The following ZBTB16 variants were observed in gnomAD, a reference collection of about 807,000 sequenced individuals.
ZBTB16 encodes the protein zinc finger and BTB domain containing 16, also known as zinc finger and BTB domain-containing protein 16.
ZBTB16 carries 8 observed loss-of-function variants against 56.8 expected under a neutral mutation model. The ratio of observed to expected loss-of-function variants is 0.14; its 90% CI spans 0.08 to 0.25. The LOEUF (loss-of-function observed/expected upper bound fraction) is 0.25. ZBTB16 is among the 10% of genes least tolerant of loss of function. The pLI is 1.00. For missense variants in ZBTB16, 625 were observed against 903.0 expected (o/e 0.69, Z 3.95); for synonymous variants, 363 against 368.5 (o/e 0.98, Z 0.17).
intron 4 of ZBTB16, among the ~76,000 whole-genome samples, chr11:114,218,470 C>T (rs559648852): frequency 2.1e-4 from 32 of 152,298 alleles, no homozygotes; most frequent in African/African-American, 7.7e-4. Flanking sequence ...GATGGGTGGC[C>T]GCTCTCCCTC....
At chr11:114,220,032 C>G (rs1050942678) in intron 4 of ZBTB16, among the ~76,000 whole-genome samples, 3 of 152,228 alleles carry the variant, frequency 2.0e-5, no homozygotes, top group African/African-American at 7.2e-5. Context: ...ACGAACTTCT[C>G]CAGCCTAGAG....
intron 4 of ZBTB16, among the ~76,000 whole-genome samples, chr11:114,218,174 G>A (rs1207215262): frequency 1.3e-5 from 2 of 152,224 alleles, no homozygotes; most frequent in Non-Finnish European, 2.9e-5. Flanking sequence ...CTCAGAGAAG[G>A]ACCTGCTGTG....
At chr11:114,101,170 A>T (rs1342914379) in intron 2 of ZBTB16, among the ~76,000 whole-genome samples, 2 of 151,962 alleles carry the variant, frequency 1.3e-5, no homozygotes, top group African/African-American at 4.8e-5. Flanking sequence ...ACAGCCTGCT[A>T]ATTTTTAAGT....
chr11:114,147,790 G>A (rs942965367), intron 2 of ZBTB16, among the ~76,000 whole-genome samples: 1 of 152,134 alleles, frequency 6.6e-6, no homozygotes, highest in African/African-American at 2.4e-5. Flanking sequence ...CCAGGTTTTT[G>A]TGCAGTTTTG....
chr11:114,193,613 A>G (rs769838987), intron 4 of ZBTB16, among the ~76,000 whole-genome samples: 5 of 152,176 alleles, frequency 3.3e-5, no homozygotes, highest in East Asian at 1.9e-4. Flanking sequence ...TCTGAAATCT[A>G]TTTGCCCTCT....
chr11:114,241,854 C>T (rs1944710434), intron 4 of ZBTB16, among the ~76,000 whole-genome samples: 1 of 152,210 alleles, frequency 6.6e-6, no homozygotes, highest in Non-Finnish European at 1.5e-5. Flanking sequence ...CTGGTATATG[C>T]TGTCTTAGTA....
At chr11:114,126,975 G>A (rs1368210184) in intron 2 of ZBTB16, among the ~76,000 whole-genome samples, 4 of 152,192 alleles carry the variant, frequency 2.6e-5, no homozygotes, top group Non-Finnish European at 5.9e-5. Context: ...TAAGCATCTT[G>A]AAGGCCAGGA....
Position 114,060,465 on chromosome 11 carries a change from C to T in ZBTB16, c.-91+583C>T, listed in dbSNP as rs531255732. On this transcript the variant is annotated intron_variant, in intron 1 of 6. Transcript: ENST00000335953. This position sits in a 1 kb window ranked among gnomAD's most constrained non-coding sequence, Gnocchi z 6.0. ...TTTCTTGATTGGACTTGATCCCCACCCCCCTTTTGCAGGGGAGGGAGGGAA... is the reference window on the plus strand; with the variant it reads ...TTTCTTGATTGGACTTGATCCCCACTCCCCTTTTGCAGGGGAGGGAGGGAA... The T allele has an allele frequency of 1.1e-4, 17 of 152,222 alleles. No homozygotes were observed. Among genetic ancestry groups the T allele is most frequent in the African/African-American group, 3.4e-4 (14 of 41,538 alleles). 9.4% of individuals were successfully genotyped at this position (152,222 alleles called of 1,614,324 possible). A position where few individuals can be genotyped will look rare whatever the true frequency, so the allele number is the denominator to read the frequency against.
chr11:114,101,345 A>G (rs1377485178), intron 2 of ZBTB16, among the ~76,000 whole-genome samples: 1 of 152,088 alleles, frequency 6.6e-6, no homozygotes, highest in Admixed American at 6.6e-5. Flanking sequence ...TGTTTTATGG[A>G]TCATTACCTA....
At position 114,256,125 on chromosome 11, in the gene ZBTB16, A is replaced by G. The variant is rs1310592418; in HGVS notation, c.*5570A>G. On this transcript the variant is annotated 3_prime_UTR_variant, in exon 7 of 7. Coordinates refer to ENST00000335953, the MANE Select transcript of ZBTB16 (RefSeq NM_006006.6). ...GGAAAAAGAAAGCTCTGTATTACAC[A>G]TATTTAGACTTATCTATGTGTCACT... 3.3e-5 allele frequency among the ~76,000 whole-genome samples: 5 copies of G among 151,892 alleles called. No individual in the cohort carries two copies. Among genetic ancestry groups the G allele is most frequent in the African/African-American group, 1.2e-4 (5 of 41,342 alleles).
chr11:114,164,425 G>A (rs1409710763), intron 3 of ZBTB16, among the ~76,000 whole-genome samples: 1 of 152,174 alleles, frequency 6.6e-6, no homozygotes, highest in Admixed American at 6.5e-5. Flanking sequence ...ACATCTGTCT[G>A]TCTGCCATTT....
chr11:114,222,972 T>G (rs1381498731), intron 4 of ZBTB16, among the ~76,000 whole-genome samples: 1 of 152,156 alleles, frequency 6.6e-6, no homozygotes. Flanking sequence ...GCTGAGAGCC[T>G]GCCCTGGTCT....
chr11:114,071,762 T>C (rs891206422), intron 2 of ZBTB16, among the ~76,000 whole-genome samples: 1 of 152,186 alleles, frequency 6.6e-6, no homozygotes, highest in Non-Finnish European at 1.5e-5. Flanking sequence ...TGGCTGGGTG[T>C]GTGGGGTGAA....
intron 4 of ZBTB16, among the ~76,000 whole-genome samples, chr11:114,211,525 A>G (rs1943998023): frequency 6.6e-6 from 1 of 152,172 alleles, no homozygotes; most frequent in African/African-American, 2.4e-5. Context: ...CTAAGTGTTG[A>G]GCCAGTGCTA....
At position 114,167,232 on chromosome 11, in the gene ZBTB16, G is replaced by GTTTTTTTTTTTTTTTTTT. The variant is rs58946694; in HGVS notation, c.1366+10802_1366+10819dup. Among the ~76,000 whole-genome samples the GTTTTTTTTTTTTTTTTTT allele has an allele frequency of 3.0e-3, 263 of 88,690 alleles. 18 individuals carry two copies. The highest frequency in any genetic ancestry group is 3.7e-3 in the African/African-American group (61 of 16,620). The allele number at this position is 88,690 out of a possible 152,430, so 58.2% of individuals were successfully genotyped here. A position where few individuals can be genotyped will look rare whatever the true frequency, so the allele number is the denominator to read the frequency against. The stretch of plus-strand genomic sequence containing the variant: ...GGATTTGTGGTTTTTTTTTTTTTTG[G>GTTTTTTTTTTTTTTTTTT]TTTTTTTTTTTTTTTTTTTTTGACA... On this transcript the variant is annotated intron_variant, in intron 3 of 6. Transcript: ENST00000335953.
intron 4 of ZBTB16, among the ~76,000 whole-genome samples, chr11:114,206,803 C>G (rs545736539): frequency 3.9e-5 from 6 of 152,274 alleles, no homozygotes; most frequent in African/African-American, 1.4e-4. Context: ...TTTAGGTTCC[C>G]CATCCCTTTG....
intron 2 of ZBTB16, among the ~76,000 whole-genome samples, chr11:114,075,517 C>T (rs780152100): frequency 7.9e-5 from 12 of 151,506 alleles, no homozygotes; most frequent in Non-Finnish European, 1.0e-4. Flanking sequence ...AGTGCAGTGG[C>T]GCGATCTCAG....
chr11:114,102,698 G>A (rs1334906938), intron 2 of ZBTB16, among the ~76,000 whole-genome samples: 2 of 152,182 alleles, frequency 1.3e-5, no homozygotes, highest in African/African-American at 4.8e-5. Flanking sequence ...TAATCCTGAG[G>A]TGTGGTTTAA....
rs764548670 is a variant in ZBTB16 at position 114,250,563 on chromosome 11, C to T, written c.*8C>T. 6.2e-7 allele frequency: 1 copy of T among 1,613,794 alleles called. No individual in the cohort carries two copies. The highest frequency in any genetic ancestry group is 1.1e-5 in the South Asian group (1 of 91,076). On this transcript the variant is annotated 3_prime_UTR_variant, in exon 7 of 7. Transcript: ENST00000335953. The surrounding 1 kb of genome is among the most constrained non-coding windows in gnomAD (Gnocchi z 6.0). ...TACCTGTGCTATGTGTGAAGGGAGG[C>T]CCGCGGCGGTGGAGCCGAGCGGGGA...
Sources: allele counts gnomAD v4.1 joint callset (sites outside exome capture counted in the v4.1 genomes callset), GRCh38; gene constraint gnomAD v4.1.1; non-coding constraint Gnocchi (gnomAD v3.1); transcripts MANE v1.5; gene names NCBI Gene and HGNC (gene_info 2026-07-23, HGNC 2026-07-21).